The following SYNJ1 variants were observed in gnomAD, a reference collection of about 807,000 sequenced individuals.
The protein encoded by SYNJ1 is synaptojanin 1, also known as polyphosphatidylinositol phosphatase SYNJ1.
Under a neutral mutation model 168.2 loss-of-function variants are expected in SYNJ1, and 78 were observed. That is an observed-to-expected ratio of 0.46 (90% CI 0.39 to 0.56). The LOEUF is 0.56. Among genes scored for constraint, SYNJ1 ranks in the 20% least tolerant of loss-of-function variants. The pLI, the probability that SYNJ1 is intolerant of heterozygous loss-of-function variation, is 0.00. For synonymous variants in SYNJ1, 539 were observed against 548.6 expected, an observed-to-expected ratio of 0.98 and a Z score of 0.24; for missense variants, 1,303 against 1,597.6, an observed-to-expected ratio of 0.82 and a Z score of 3.14.
In SYNJ1 at chr21:32,705,375, T is replaced by C. The variant is rs535520457; in HGVS notation, c.125-3328A>G. 3.3e-5 allele frequency among the ~76,000 whole-genome samples: 5 copies of C among 152,238 alleles called. No homozygotes were observed. In the South Asian group the frequency reaches 8.3e-4, roughly 25 times the overall value. ...ACCATTCTCCACTAAAAGGAACTAC[T>C]AGCATTCCTTGGAGAAATGGTTGAT... On this transcript the variant is annotated intron_variant, in intron 2 of 32. Transcript: ENST00000674351.
chr21:32,699,442 T>C (rs529105764), intron 4 of SYNJ1, among the ~76,000 whole-genome samples: 30 of 152,314 alleles, frequency 2.0e-4, no homozygotes, highest in African/African-American at 6.7e-4. Context: ...TTTGTACTCA[T>C]TATGCCTGCT....
chr21:32,644,646 C>CTTTTGGAT (rs2039986997), intron 26 of SYNJ1, among the ~76,000 whole-genome samples: 1 of 152,158 alleles, frequency 6.6e-6, no homozygotes, highest in South Asian at 2.1e-4. Context: ...AGCTTTTCCA[C>CTTTTGGAT]TAGAAAATAA....
intron 2 of SYNJ1, among the ~76,000 whole-genome samples, chr21:32,717,895 T>A (rs1431591641): frequency 2.0e-5 from 3 of 152,184 alleles, no homozygotes; most frequent in African/African-American, 7.2e-5. Context: ...TTTGCTTGAG[T>A]GACTCTTCTG....
rs778176052 is a variant in SYNJ1 at position 32,639,708 on chromosome 21, A to G, written c.3660T>C (p.Thr1220=). 1 of 1,614,096 alleles carries G rather than the reference A, an allele frequency of 6.2e-7. No homozygotes were observed. The highest frequency in any genetic ancestry group is 8.5e-7 in the Non-Finnish European group (1 of 1,180,018). ...CTGATGTTTTGCTTTGGCTTTCAGGAGTCAGTCTTCCAGCAGATGCCCGCG... is the reference window on the plus strand; with the variant it reads ...CTGATGTTTTGCTTTGGCTTTCAGGGGTCAGTCTTCCAGCAGATGCCCGCG... The part of the protein sequence containing the change: ...SHARASAGRL[T]PESQSKTSET... The change falls in exon 30 of 33, where the codon ACT becomes ACC. Residue 1220 remains threonine (T), a synonymous_variant. Transcript: ENST00000674351.
chr21:32,664,647 G>A lies in SYNJ1; in HGVS notation c.2304+266C>T, dbSNP rs760662653. Among the ~76,000 whole-genome samples the A allele has an allele frequency of 3.3e-5, 5 of 151,994 alleles. No individual in the cohort carries two copies. In the East Asian group the frequency reaches 9.6e-4, roughly 29 times the overall value. On this transcript the variant is annotated intron_variant, in intron 18 of 32. Transcript: ENST00000674351. ...TAAAAGGGACAGGAATTGCTCACTC[G>A]GGGAGCTCGGTTTTTGGAGACGTGA...
chr21:32,659,995 T>C (rs973030221), intron 18 of SYNJ1, among the ~76,000 whole-genome samples: 5 of 152,158 alleles, frequency 3.3e-5, no homozygotes, highest in Non-Finnish European at 5.9e-5. Flanking sequence ...GTCGAACGCC[T>C]CACCACAGCA....
At chr21:32,712,794 C>G (rs546632992) in intron 2 of SYNJ1, among the ~76,000 whole-genome samples, 3 of 152,170 alleles carry the variant, frequency 2.0e-5, no homozygotes, top group East Asian at 3.9e-4. Flanking sequence ...TGGAGGAGGA[C>G]AATGATTAGA....
At chr21:32,727,509 C>A (rs2043519602) in intron 1 of SYNJ1, among the ~76,000 whole-genome samples, 1 of 151,532 alleles carries the variant, frequency 6.6e-6, no homozygotes, top group Non-Finnish European at 1.5e-5. Context: ...GGACGGCAGG[C>A]GGGGCCGATA....
At chr21:32,669,166 T>C (rs2041078643) in intron 15 of SYNJ1, among the ~76,000 whole-genome samples, 1 of 152,094 alleles carries the variant, frequency 6.6e-6, no homozygotes, top group African/African-American at 2.4e-5. Context: ...AAAAAGAAAA[T>C]GCTTTAAATT....
chr21:32,649,297 A>G (rs1472434760), intron 23 of SYNJ1, among the ~76,000 whole-genome samples: 1 of 152,228 alleles, frequency 6.6e-6, no homozygotes, highest in Non-Finnish European at 1.5e-5. Context: ...ATGAACAGAT[A>G]ATGTGAAAAT....
rs753027939 is a variant in SYNJ1, at chr21:32,656,993, C to T, written c.2579+10G>A. 1 of 1,611,924 alleles carries T rather than the reference C, an allele frequency of 6.2e-7. No homozygotes were observed. Among genetic ancestry groups the T allele is most frequent in the Non-Finnish European group, 8.5e-7 (1 of 1,179,274 alleles). ...TCAAACACTATTAGAAAAACTGAGA[C>T]TGCTTAAACCTGTGGTCAGAAGTCT... On this transcript the variant is annotated intron_variant, in intron 20 of 32. Transcript: ENST00000674351.
At chr21:32,700,488 C>G (rs1202418730) in intron 3 of SYNJ1, among the ~76,000 whole-genome samples, 1 of 152,054 alleles carries the variant, frequency 6.6e-6, no homozygotes, top group Non-Finnish European at 1.5e-5. Context: ...AACCCCATCT[C>G]TACTAAAAAT....
At chr21:32,710,001 C>T (rs920968497) in intron 2 of SYNJ1, among the ~76,000 whole-genome samples, 1 of 151,870 alleles carries the variant, frequency 6.6e-6, no homozygotes, top group African/African-American at 2.4e-5. Context: ...GAGTTTGAGA[C>T]TAGCCTGGCC....
chr21:32,665,445 C>G (rs2040888150), intron 17 of SYNJ1, among the ~76,000 whole-genome samples: 2 of 152,250 alleles, frequency 1.3e-5, no homozygotes, highest in South Asian at 4.1e-4. Flanking sequence ...TGACTGCTTC[C>G]TCTGCCCTAT....
chr21:32,716,046 T>A (rs1225889702), intron 2 of SYNJ1, among the ~76,000 whole-genome samples: 1 of 152,260 alleles, frequency 6.6e-6, no homozygotes, highest in Non-Finnish European at 1.5e-5. Flanking sequence ...CTTATATTTA[T>A]AAACTCTATT....
intron 16 of SYNJ1, 38 bp downstream of exon 16, chr21:32,666,395 G>A (rs1188543773): frequency 6.4e-7 from 1 of 1,572,472 alleles, no homozygotes; most frequent in African/African-American, 1.4e-5. Flanking sequence ...TTATTTAATG[G>A]TAGGAAGTAG....
intron 2 of SYNJ1, among the ~76,000 whole-genome samples, chr21:32,704,785 G>T (rs1361674760): frequency 6.6e-6 from 1 of 152,176 alleles, no homozygotes; most frequent in Non-Finnish European, 1.5e-5. Context: ...ATGAGAGCCA[G>T]GTTTCTCACT....
At chr21:32,658,129 C>T (rs1022770626) in intron 18 of SYNJ1, among the ~76,000 whole-genome samples, 6 of 152,152 alleles carry the variant, frequency 3.9e-5, no homozygotes, top group Non-Finnish European at 8.8e-5. Context: ...GGGTCCCACC[C>T]TCAAGCCAAA....
chr21:32,650,184 C>A lies in SYNJ1; in HGVS notation c.3037G>T (p.Gly1013Cys). ...AEVAADFDME[G>C]DVDDYSAEVE... ...AAGTAAATGTGTTTAAGAAACAAAC[C>A]TTCCATATCAAAATCTGCTGCAACC... is the stretch of plus-strand genomic sequence containing the variant. The change falls in exon 23 of 33, where the codon GGT becomes TGT. Residue 1013 changes from glycine (G) to cysteine (C), a missense_variant and splice_region_variant. Gly to Cys is a radical substitution (Grantham distance 159, BLOSUM62 -3). This residue lies in a region of SYNJ1 where 920 missense variants were observed against 1,208.8 expected (regional missense o/e 0.76). Coordinates refer to ENST00000674351, the MANE Select transcript of SYNJ1 (RefSeq NM_203446.3). 1 of 1,595,720 alleles carries A rather than the reference C, an allele frequency of 6.3e-7. No homozygotes were observed. Among genetic ancestry groups the A allele is most frequent in the Non-Finnish European group, 8.5e-7 (1 of 1,174,230 alleles).
Sources: gnomAD v4.1 joint callset for allele counts (sites outside exome capture counted in the v4.1 genomes callset) on GRCh38, gnomAD v4.1.1 for gene constraint, gnomAD v4.1.1 regional missense constraint, MANE v1.5 for transcripts, NCBI Gene and HGNC (gene_info 2026-07-23, HGNC 2026-07-21) for gene names.